Variants in GRIP1 observed in about 807,000 individuals in gnomAD.
The protein encoded by GRIP1 is glutamate receptor interacting protein 1, also known as glutamate receptor-interacting protein 1.
A neutral mutation model predicts 129.9 loss-of-function variants in GRIP1; 45 were observed. That is an observed-to-expected ratio of 0.35 (90% CI 0.27 to 0.44). The LOEUF is 0.44. Ranked by LOEUF, GRIP1 falls within the 20% of genes least tolerant of loss-of-function variation. GRIP1 has a pLI of 1.00. For missense variants in GRIP1, 1,196 were observed against 1,396.8 expected, an observed-to-expected ratio of 0.86 and a Z score of 2.29; for synonymous variants, 530 against 520.8, an observed-to-expected ratio of 1.02 and a Z score of -0.24.
chr12:66,715,798 T>C (rs1354431280), intron 1 of GRIP1, among the ~76,000 whole-genome samples: 1 of 152,056 alleles, frequency 6.6e-6, no homozygotes, highest in Non-Finnish European at 1.5e-5. Flanking sequence ...ATTTTAGATT[T>C]AGAAGTTTAA....
intron 1 of GRIP1, among the ~76,000 whole-genome samples, chr12:66,732,055 T>C (rs1335279730): frequency 6.6e-6 from 1 of 152,218 alleles, no homozygotes; most frequent in Non-Finnish European, 1.5e-5. Context: ...TCAAATACAA[T>C]TGACCCTTGA....
chr12:66,917,013 T>G (rs566310100), intron 1 of GRIP1, among the ~76,000 whole-genome samples: 11 of 152,334 alleles, frequency 7.2e-5, no homozygotes, highest in African/African-American at 2.6e-4. Context: ...AAATATTTGT[T>G]TCCTTACAAA....
At position 66,589,569 on chromosome 12, in the gene GRIP1, C is replaced by A. The variant is rs145474766; in HGVS notation, c.136+7278G>T. Among the ~76,000 whole-genome samples the A allele has an allele frequency of 4.9e-3, 739 of 152,120 alleles. 5 individuals are homozygous for A. The highest frequency in any genetic ancestry group is 0.016 in the African/African-American group (648 of 41,486). On this transcript the variant is annotated intron_variant, in intron 2 of 24. Coordinates refer to ENST00000359742, the MANE Select transcript of GRIP1 (RefSeq NM_001366722.1). ...ATGGATGCAAGATGATTTAAGGTGACATAGAAACCTTTGTTTTTAATTTTC... is the reference window on the plus strand; with the variant it reads ...ATGGATGCAAGATGATTTAAGGTGAAATAGAAACCTTTGTTTTTAATTTTC...
At position 66,432,586 on chromosome 12, in the gene GRIP1, G is replaced by C. The variant is rs920701114; in HGVS notation, c.1730C>G (p.Pro577Arg). 6.2e-7 allele frequency: 1 copy of C among 1,605,218 alleles called. No individual in the cohort carries two copies. Among genetic ancestry groups the C allele is most frequent in the South Asian group, 1.1e-5 (1 of 90,892 alleles). The change falls in exon 14 of 25, where the codon CCT becomes CGT. Residue 577 changes from proline (P) to arginine (R), a missense_variant. This residue lies in a region of GRIP1 where 508 missense variants were observed against 587.0 expected (regional missense o/e 0.87). Coordinates refer to ENST00000359742, the MANE Select transcript of GRIP1 (RefSeq NM_001366722.1). The stretch of plus-strand genomic sequence containing the variant: ...TCCAAGTTCCACATTGTGCTTCTTA[G>C]GCAGCTTTACATGAAATGTTCCACT... ...PSSGTFHVKLPKKHNVELGIT... is the reference protein window; with the variant it reads ...PSSGTFHVKLRKKHNVELGIT...
chr12:66,520,213 G>A (rs1174132482), intron 5 of GRIP1, among the ~76,000 whole-genome samples: 1 of 152,048 alleles, frequency 6.6e-6, no homozygotes, highest in East Asian at 1.9e-4. Flanking sequence ...TCCCATCTAT[G>A]CCAAAATATC....
At chr12:66,535,660 C>T (rs936242226) in intron 4 of GRIP1, among the ~76,000 whole-genome samples, 8 of 151,998 alleles carry the variant, frequency 5.3e-5, no homozygotes, top group East Asian at 3.9e-4. Flanking sequence ...TTGCTGAAAA[C>T]GAAAAAATGT....
At chr12:66,367,465 G>T (rs1449146137) in intron 23 of GRIP1, among the ~76,000 whole-genome samples, 1 of 152,162 alleles carries the variant, frequency 6.6e-6, no homozygotes, top group Non-Finnish European at 1.5e-5. Flanking sequence ...TGAAAGTGCT[G>T]ACACAGTAAG....
chr12:66,459,673 A>G (rs2059076704), intron 9 of GRIP1, among the ~76,000 whole-genome samples: 1 of 152,254 alleles, frequency 6.6e-6, no homozygotes, highest in South Asian at 2.1e-4. Flanking sequence ...ATCTTCATAC[A>G]TATAAAATAA....
intron 10 of GRIP1, among the ~76,000 whole-genome samples, 163 bp from the exon 11 acceptor site, chr12:66,455,727 C>T (rs1322341862): frequency 6.6e-6 from 1 of 152,188 alleles, no homozygotes; most frequent in Non-Finnish European, 1.5e-5. Context: ...TGAGACAATG[C>T]TTTACAAGAG....
At chr12:66,898,700 T>A (rs1011554321) in intron 1 of GRIP1, among the ~76,000 whole-genome samples, 4 of 152,226 alleles carry the variant, frequency 2.6e-5, no homozygotes, top group Admixed American at 2.6e-4. Context: ...AGGATATTCG[T>A]TAGCAATTTA....
At chr12:66,426,826 T>C (rs1359638860) in intron 14 of GRIP1, among the ~76,000 whole-genome samples, 1 of 152,178 alleles carries the variant, frequency 6.6e-6, no homozygotes, top group African/African-American at 2.4e-5. Context: ...TCTGGCTTCT[T>C]TAAGCTTCCT....
At chr12:66,559,362 G>C (rs907183181) in intron 2 of GRIP1, among the ~76,000 whole-genome samples, 1 of 152,006 alleles carries the variant, frequency 6.6e-6, no homozygotes, top group Non-Finnish European at 1.5e-5. Flanking sequence ...AGAAGCAAAA[G>C]GCATCCAAAT....
intron 1 of GRIP1, among the ~76,000 whole-genome samples, chr12:66,872,160 T>C (rs2040307043): frequency 6.6e-6 from 1 of 152,048 alleles, no homozygotes; most frequent in South Asian, 2.1e-4. Context: ...GCAGGAGGTT[T>C]TGCCAGTTAG....
chr12:66,831,439 T>C (rs1350976280), intron 1 of GRIP1, among the ~76,000 whole-genome samples: 2 of 152,192 alleles, frequency 1.3e-5, no homozygotes, highest in Non-Finnish European at 2.9e-5. Context: ...CAGCCCAAGA[T>C]TGAAGGTAAG....
chr12:67,026,960 T>G (rs964317760), intron 1 of GRIP1, among the ~76,000 whole-genome samples: 3 of 152,166 alleles, frequency 2.0e-5, no homozygotes, highest in African/African-American at 7.2e-5. Flanking sequence ...TATCGCTCTG[T>G]CATTCAGCCT....
At chr12:66,752,565 A>G (rs1405377380) in intron 1 of GRIP1, among the ~76,000 whole-genome samples, 1 of 152,182 alleles carries the variant, frequency 6.6e-6, no homozygotes, top group African/African-American at 2.4e-5. Flanking sequence ...TTATACATAT[A>G]GGCAATTGAT....
intron 1 of GRIP1, among the ~76,000 whole-genome samples, chr12:66,853,375 T>G (rs1349494340): frequency 6.6e-6 from 1 of 151,938 alleles, no homozygotes. Context: ...GTAAAAGACA[T>G]ACCCAAAATG....
intron 2 of GRIP1, among the ~76,000 whole-genome samples, chr12:66,553,971 G>A (rs2062230225): frequency 6.6e-6 from 1 of 152,078 alleles, no homozygotes; most frequent in South Asian, 2.1e-4. Context: ...TACTTGAAAG[G>A]CAGTCTAAGC....
At chr12:66,806,651 A>AT (rs1333465665), upstream of GRIP1, among the ~76,000 whole-genome samples, 1 of 152,116 alleles carries the variant, frequency 6.6e-6, no homozygotes, top group Non-Finnish European at 1.5e-5. Flanking sequence ...CTAGAGTTTG[A>AT]TTTTTTAATT....
Sources: allele counts gnomAD v4.1 joint callset (sites outside exome capture counted in the v4.1 genomes callset), GRCh38; gene constraint gnomAD v4.1.1; regional missense constraint gnomAD v4.1.1; transcripts MANE v1.5; gene names NCBI Gene and HGNC (gene_info 2026-07-23, HGNC 2026-07-21).